ZNF665: variants seen among roughly 807,000 people sequenced by gnomAD.
ZNF665 encodes the protein zinc finger protein 665.
ZNF665 carries 6 observed loss-of-function variants against 7.9 expected under a neutral mutation model. The observed-to-expected ratio is 0.76, with a 90% CI of 0.42 to 1.50. The LOEUF (loss-of-function observed/expected upper bound fraction) is 1.50. Among genes scored for constraint, ZNF665 ranks in the 40% most tolerant of loss-of-function variants. ZNF665 has a pLI of 0.01. For missense variants in ZNF665, 819 were observed against 806.7 expected (o/e 1.02, Z -0.18); for synonymous variants, 242 against 274.5 (o/e 0.88, Z 1.17).
At chr19:53,178,665 C>T (rs1163021344) in intron 2 of ZNF665, among the ~76,000 whole-genome samples, 1 of 152,048 alleles carries the variant, frequency 6.6e-6, no homozygotes, top group Non-Finnish European at 1.5e-5. Flanking sequence ...TGATGTCGAG[C>T]AAAACTGGCC....
intron 2 of ZNF665, chr19:53,180,556 G>A (rs1327709873): frequency 6.6e-6 from 1 of 152,106 alleles, no homozygotes; most frequent in Admixed American, 6.5e-5. Flanking sequence ...AACCATGGGT[G>A]TATGCATCTA....
At chr19:53,166,941 C>T (rs1157341698) in intron 3 of ZNF665, among the ~76,000 whole-genome samples, 1 of 152,154 alleles carries the variant, frequency 6.6e-6, no homozygotes, top group South Asian at 2.1e-4. Flanking sequence ...CCTATATACC[C>T]ACACAGAGCA....
intron 2 of ZNF665, chr19:53,182,661 C>G (rs2090746778): frequency 1.3e-5 from 12 of 940,178 alleles, no homozygotes; most frequent in Non-Finnish European, 2.0e-5. Flanking sequence ...GGGGTGTGAG[C>G]CCTTCCCAGG....
intron 3 of ZNF665, 28 bp downstream of exon 3, chr19:53,175,417 C>G (rs1303795375): frequency 6.2e-7 from 1 of 1,600,276 alleles, no homozygotes; most frequent in Non-Finnish European, 8.5e-7. Context: ...AGAACAGACC[C>G]TGACTTCTAA....
At chr19:53,181,537 A>G (rs1417457155) in intron 2 of ZNF665, 1 of 152,196 alleles carries the variant, frequency 6.6e-6, no homozygotes, top group Non-Finnish European at 1.5e-5. Context: ...ATCTGTTAAA[A>G]CTAACAGATG....
intron 3 of ZNF665, among the ~76,000 whole-genome samples, chr19:53,170,013 T>G (rs569482109): frequency 1.4e-5 from 2 of 145,728 alleles, no homozygotes; most frequent in South Asian, 4.5e-4. Context: ...TGTGTCTTTA[T>G]AGCAGCATGA....
At position 53,165,440 on chromosome 19, in the gene ZNF665, T is replaced by G; in HGVS notation, c.1050A>C (p.Glu350Asp). 6.2e-7 allele frequency: 1 copy of G among 1,613,048 alleles called. No individual in the cohort carries two copies. The highest frequency in any genetic ancestry group is 8.5e-7 in the Non-Finnish European group (1 of 1,179,384). The change falls in exon 4 of 4, where the codon GAA becomes GAC. Residue 350 changes from glutamate (E) to aspartate (D), a missense_variant. Coordinates refer to ENST00000396424, the MANE Select transcript of ZNF665 (RefSeq NM_024733.5). Reference protein sequence around the residue: ...HTGEKPYKCNECGKVFRHNSY... With the variant: ...HTGEKPYKCNDCGKVFRHNSY... ...AATTGTGCCTGAAGACCTTGCCACA[T>G]TCATTACATTTGTAAGGTTTTTCTC... is the stretch of plus-strand genomic sequence containing the variant.
intron 2 of ZNF665, among the ~76,000 whole-genome samples, chr19:53,178,742 G>A (rs2090715972): frequency 6.6e-6 from 1 of 152,114 alleles, no homozygotes; most frequent in Admixed American, 6.5e-5. Flanking sequence ...AAAATCTCAG[G>A]GGTAAGCAAA....
In ZNF665 at chr19:53,162,525, A is replaced by T. The variant is rs1418341362; in HGVS notation, c.*1928T>A. 2 of 152,116 alleles carry T rather than the reference A, an allele frequency of 1.3e-5. No individual in the cohort carries two copies. Among genetic ancestry groups the T allele is most frequent in the African/African-American group, 4.8e-5 (2 of 41,416 alleles). The allele number at this position is 152,116 out of a possible 1,614,324, so 9.4% of individuals were successfully genotyped here. A position where few individuals can be genotyped will look rare whatever the true frequency, so the allele number is the denominator to read the frequency against. On this transcript the variant is annotated 3_prime_UTR_variant, in exon 4 of 4. Transcript: ENST00000396424. ...CCAGCAGTTAATGTAAATCCTAGTA[A>T]CAAACATGGGATTCTGGTTACTTTG...
At chr19:53,189,051 C>CTGTGTGTG (rs60689265) in intron 1 of ZNF665, among the ~76,000 whole-genome samples, 6,036 of 137,610 alleles carry the variant, frequency 0.044, 252 homozygotes, top group East Asian at 0.14. Flanking sequence ...GCTTTATTTT[C>CTGTGTGTG]TGTGTGTGTG....
At chr19:53,167,458 C>CT (rs2090623749) in intron 3 of ZNF665, among the ~76,000 whole-genome samples, 1 of 103,382 alleles carries the variant, frequency 9.7e-6, no homozygotes, top group South Asian at 4.7e-4. Flanking sequence ...AACAATTTCT[C>CT]TCTCTTTTTT....
In ZNF665 at chr19:53,164,857, T is replaced by C. The variant is rs764392733; in HGVS notation, c.1633A>G (p.Asn545Asp). Residue 545 changes from asparagine (N) to aspartate (D), a missense_variant, in exon 4 of 4, where the codon AAT becomes GAT. Physicochemically the swap from Asn to Asp is conservative, Grantham distance 23 (BLOSUM62 1). Transcript: ENST00000396424. ...TGTCTGAAGACCTTGCCGCAATCAT[T>C]ACATTTGTATGGTTTTTGTCCAGTA... ...IHTGQKPYKC[N>D]DCGKVFRHNS... The C allele has an allele frequency of 1.2e-6, 2 of 1,614,214 alleles. No individual in the cohort carries two copies. Among genetic ancestry groups the C allele is most frequent in the Admixed American group, 3.3e-5 (2 of 60,034 alleles).
intron 1 of ZNF665, among the ~76,000 whole-genome samples, 152 bp downstream of exon 1, chr19:53,193,160 C>G (rs1481927628): frequency 6.6e-6 from 1 of 152,060 alleles, no homozygotes; most frequent in Non-Finnish European, 1.5e-5. Flanking sequence ...CAAAGCGATG[C>G]GACCCCCAGA....
At chr19:53,185,925 T>G (rs7249092) in intron 1 of ZNF665, among the ~76,000 whole-genome samples, 17,880 of 18,318 alleles carry the variant, frequency 0.98, 8,792 homozygotes, top group Middle Eastern at 1. Context: ...AAGGGTTTTT[T>G]TTTTTTTTTT....
intron 3 of ZNF665, among the ~76,000 whole-genome samples, chr19:53,169,701 A>T (rs1204370667): frequency 7.1e-6 from 1 of 141,714 alleles, no homozygotes; most frequent in Non-Finnish European, 1.5e-5. Context: ...ACCCCACAAC[A>T]GTCCCCAGAG....
intron 1 of ZNF665, among the ~76,000 whole-genome samples, chr19:53,189,521 CAGAG>C (rs1555805803): frequency 1.4e-5 from 2 of 146,662 alleles, no homozygotes; most frequent in Non-Finnish European, 3.0e-5. Flanking sequence ...GGAGAGGAGA[CAGAG>C]AGAAAGACAG....
At chr19:53,168,799 T>C (rs923894032) in intron 3 of ZNF665, among the ~76,000 whole-genome samples, 5 of 152,182 alleles carry the variant, frequency 3.3e-5, no homozygotes, top group Non-Finnish European at 5.9e-5. Context: ...TCACGTTATA[T>C]AGACAACTGA....
chr19:53,183,027 T>A (rs2090750153), intron 1 of ZNF665, 84 bp from the exon 2 acceptor site: 1 of 1,394,726 alleles, frequency 7.2e-7, no homozygotes, highest in African/African-American at 1.4e-5. Context: ...ACACACCCCC[T>A]CCCTGGGCCA....
chr19:53,167,335 C>T (rs2090622958), intron 3 of ZNF665, among the ~76,000 whole-genome samples: 1 of 152,016 alleles, frequency 6.6e-6, no homozygotes, highest in African/African-American at 2.4e-5. Context: ...GGTAAAAAAC[C>T]ATCCTCTATC....
Sources: gnomAD v4.1 joint callset for allele counts (sites outside exome capture counted in the v4.1 genomes callset) on GRCh38, gnomAD v4.1.1 for gene constraint, MANE v1.5 for transcripts, NCBI Gene and HGNC (gene_info 2026-07-23, HGNC 2026-07-21) for gene names.